Variants in FUT8 observed in about 807,000 individuals in gnomAD.
The protein encoded by FUT8 is alpha-(1,6)-fucosyltransferase.
Under a neutral mutation model 71.3 loss-of-function variants are expected in FUT8, and 29 were observed. The observed-to-expected ratio is 0.41, with a 90% CI of 0.30 to 0.55. FUT8 has a LOEUF of 0.55. FUT8 is among the 20% of genes least tolerant of loss of function. FUT8 has a pLI of 0.34. For synonymous variants in FUT8, 254 were observed against 239.3 expected, an observed-to-expected ratio of 1.06 and a Z score of -0.57; for missense variants, 544 against 702.1, an observed-to-expected ratio of 0.77 and a Z score of 2.55.
intron 6 of FUT8, among the ~76,000 whole-genome samples, chr14:65,647,703 T>A (rs1804102437): frequency 6.6e-6 from 1 of 152,190 alleles, no homozygotes; most frequent in Non-Finnish European, 1.5e-5. Flanking sequence ...AGTAGAGGTA[T>A]CCTGGAAGAT....
rs374577741 is a variant in FUT8, at chr14:65,445,601, A to G, written c.-325-10020A>G. On this transcript the variant is annotated intron_variant, in intron 1 of 10. Coordinates refer to ENST00000673929, the MANE Select transcript of FUT8 (RefSeq NM_001371533.1). ...CTACTTCCTCCCAAAAGTCTGTTTTACTGTATGCTAACTTAAGAAATAAAA... is the reference window on the plus strand; with the variant it reads ...CTACTTCCTCCCAAAAGTCTGTTTTGCTGTATGCTAACTTAAGAAATAAAA... 2.6e-5 allele frequency among the ~76,000 whole-genome samples: 4 copies of G among 152,220 alleles called. No homozygotes were observed. In the East Asian group the frequency reaches 7.7e-4, roughly 29 times the overall value.
At chr14:65,542,850 T>A (rs1884758456) in intron 2 of FUT8, among the ~76,000 whole-genome samples, 2 of 152,194 alleles carry the variant, frequency 1.3e-5, no homozygotes, top group South Asian at 4.1e-4. Context: ...TGGCGCGATA[T>A]TGGCTCACTG....
chr14:65,490,539 T>C (rs956923910), intron 2 of FUT8, among the ~76,000 whole-genome samples: 2 of 152,148 alleles, frequency 1.3e-5, no homozygotes, highest in African/African-American at 2.4e-5. Context: ...CAAAAGCCTG[T>C]ATCTGTGTTA....
chr14:65,633,004 T>TCCCCCCCCCCCCCC lies in FUT8; in HGVS notation c.597+3408_597+3409insCCCCCCCCCCCCCC, dbSNP rs376298224. 5.1e-5 allele frequency among the ~76,000 whole-genome samples: 4 copies of TCCCCCCCCCCCCCC among 78,020 alleles called. 1 individual carries two copies. Among genetic ancestry groups the TCCCCCCCCCCCCCC allele is most frequent in the Admixed American group, 2.5e-4 (2 of 8,160 alleles). 51.2% of individuals were successfully genotyped at this position (78,020 alleles called of 152,430 possible). On this transcript the variant is annotated intron_variant, in intron 6 of 10. Coordinates refer to ENST00000673929, the MANE Select transcript of FUT8 (RefSeq NM_001371533.1). ...TTGCTCTCCCCTCTCCCCTCTCCCC[T>TCCCCCCCCCCCCCC]CCCCCCCCCCGTCTCCCCAGGGTCT...
chr14:65,481,818 G>T (rs543961067), intron 2 of FUT8, among the ~76,000 whole-genome samples: 22 of 152,092 alleles, frequency 1.4e-4, no homozygotes, highest in Admixed American at 1.4e-3. Flanking sequence ...TTTAAATTGG[G>T]TTGTTTGTTT....
chr14:65,655,936 A>C (rs933902609), intron 6 of FUT8, among the ~76,000 whole-genome samples: 54 of 152,250 alleles, frequency 3.5e-4, no homozygotes, highest in African/African-American at 1.2e-3. Context: ...CCCTCAAAAA[A>C]CTCGGCATAA....
chr14:65,413,148 G>A lies in FUT8; in HGVS notation c.-392G>A, dbSNP rs1182355763. 6.5e-6 allele frequency: 1 copy of A among 152,814 alleles called. No individual in the cohort carries two copies. The highest frequency in any genetic ancestry group is 1.9e-4 in the East Asian group (1 of 5,200). 9.5% of individuals were successfully genotyped at this position (152,814 alleles called of 1,614,324 possible). On this transcript the variant is annotated 5_prime_UTR_variant, in exon 1 of 11. Coordinates refer to ENST00000673929, the MANE Select transcript of FUT8 (RefSeq NM_001371533.1). This position sits in a 1 kb window ranked among gnomAD's most constrained non-coding sequence, Gnocchi z 4.1. ...CACTCCCCCATCGTGGGGCAGCTGC[G>A]GCTGAGGGCTGTGGCTTTGGCAGCT...
chr14:65,580,532 C>T (rs775075483), intron 3 of FUT8, among the ~76,000 whole-genome samples: 3 of 151,792 alleles, frequency 2.0e-5, no homozygotes, highest in East Asian at 1.9e-4. Context: ...TACACAGACA[C>T]GCACATACAA....
intron 2 of FUT8, among the ~76,000 whole-genome samples, chr14:65,476,394 T>C (rs1304506158): frequency 6.6e-6 from 1 of 152,158 alleles, no homozygotes; most frequent in African/African-American, 2.4e-5. Flanking sequence ...TAAGGTGATA[T>C]CTAAAAGATT....
At chr14:65,445,272 T>C (rs1376074379) in intron 1 of FUT8, among the ~76,000 whole-genome samples, 1 of 152,186 alleles carries the variant, frequency 6.6e-6, no homozygotes, top group African/African-American at 2.4e-5. Flanking sequence ...GGATGTAACA[T>C]TTGTCTCATT....
intron 1 of FUT8, among the ~76,000 whole-genome samples, chr14:65,447,513 A>G (rs1033122997): frequency 6.6e-6 from 1 of 152,104 alleles, no homozygotes; most frequent in Non-Finnish European, 1.5e-5. Flanking sequence ...GATTAAATTA[A>G]AAGATTAAAA....
chr14:65,580,472 A>G (rs985457806), intron 3 of FUT8, among the ~76,000 whole-genome samples: 1 of 151,900 alleles, frequency 6.6e-6, no homozygotes, highest in African/African-American at 2.4e-5. Flanking sequence ...TGTATTTTCT[A>G]TCTTGTAGAA....
Position 65,742,076 on chromosome 14 carries a change from T to C in FUT8, c.1411-17T>C, listed in dbSNP as rs1303776085. 1.2e-6 allele frequency: 2 copies of C among 1,602,264 alleles called. No individual in the cohort carries two copies. Among genetic ancestry groups the C allele is most frequent in the Non-Finnish European group, 1.7e-6 (2 of 1,172,740 alleles). On this transcript the variant is annotated splice_polypyrimidine_tract_variant and intron_variant, in intron 10 of 10. Coordinates refer to ENST00000673929, the MANE Select transcript of FUT8 (RefSeq NM_001371533.1). ...AGTGTTTATATACTAACAATTTCTT[T>C]TAAATTCTTTCCCAAGGTCTGTCGA...
At chr14:65,712,286 C>T (rs1894844139) in intron 7 of FUT8, among the ~76,000 whole-genome samples, 1 of 152,130 alleles carries the variant, frequency 6.6e-6, no homozygotes, top group South Asian at 2.1e-4. Context: ...GGTGATAGAA[C>T]ATCAGTAACA....
At chr14:65,733,083 C>A in intron 9 of FUT8, 148 bp from the exon 10 acceptor site, 1 of 493,286 alleles carries the variant, frequency 2.0e-6, no homozygotes, top group Non-Finnish European at 3.5e-6. Context: ...CACTGATGGA[C>A]TTCAAATATG....
intron 2 of FUT8, among the ~76,000 whole-genome samples, chr14:65,479,224 G>A (rs547278269): frequency 4.6e-5 from 7 of 152,262 alleles, no homozygotes; most frequent in Admixed American, 6.5e-5. Flanking sequence ...AATACATGGC[G>A]TCTATATCCA....
the FUT8 span, among the ~76,000 whole-genome samples, chr14:65,360,814 G>A: frequency 6.6e-6 from 1 of 152,104 alleles, no homozygotes; most frequent in Admixed American, 6.6e-5. Flanking sequence ...AGTCAGGTGT[G>A]GAAATGGGGA....
chr14:65,733,141 G>A (rs1896057902), intron 9 of FUT8, 90 bp from the exon 10 acceptor site: 2 of 761,670 alleles, frequency 2.6e-6, no homozygotes, highest in Non-Finnish European at 4.1e-6. Context: ...TCTCCTTTCT[G>A]TGAGAAGCTC....
the FUT8 span, among the ~76,000 whole-genome samples, chr14:65,374,633 C>G: frequency 6.6e-6 from 1 of 150,774 alleles, no homozygotes; most frequent in African/African-American, 2.5e-5. Context: ...CTTTCTCTGT[C>G]ACCCAGGCTG....
Sources: allele counts gnomAD v4.1 joint callset (sites outside exome capture counted in the v4.1 genomes callset), GRCh38; gene constraint gnomAD v4.1.1; non-coding constraint Gnocchi (gnomAD v3.1); transcripts MANE v1.5; gene names NCBI Gene and HGNC (gene_info 2026-07-23, HGNC 2026-07-21).